The following COL28A1 variants were observed in gnomAD, a reference collection of about 807,000 sequenced individuals.
The protein encoded by COL28A1 is collagen alpha-1(XXVIII) chain.
COL28A1 carries 161 observed loss-of-function variants against 150.2 expected under a neutral mutation model. That is an observed-to-expected ratio of 1.07 (90% CI 0.94 to 1.22). COL28A1 has a LOEUF of 1.22. Ranked by LOEUF, COL28A1 falls within the 50% of genes most tolerant of loss-of-function variation. The pLI is 0.00. For synonymous variants in COL28A1, 552 were observed against 469.7 expected, an observed-to-expected ratio of 1.18 and a Z score of -2.26; for missense variants, 1,617 against 1,388.3, an observed-to-expected ratio of 1.16 and a Z score of -2.62.
At chr7:7,435,108 A>G (rs1256905279) in intron 23 of COL28A1, among the ~76,000 whole-genome samples, 1 of 152,212 alleles carries the variant, frequency 6.6e-6, no homozygotes, top group African/African-American at 2.4e-5. Flanking sequence ...AAATATCTTT[A>G]AATACCATCA....
At chr7:7,482,297 G>A (rs1156882991) in intron 13 of COL28A1, among the ~76,000 whole-genome samples, 1 of 152,068 alleles carries the variant, frequency 6.6e-6, no homozygotes, top group Non-Finnish European at 1.5e-5. Context: ...CGCTGAGGTG[G>A]GCGGATTACC....
intron 21 of COL28A1, among the ~76,000 whole-genome samples, chr7:7,440,448 G>A (rs560340036): frequency 1.9e-4 from 29 of 152,266 alleles, no homozygotes; most frequent in Non-Finnish European, 2.2e-4. Flanking sequence ...TCACTCTCAG[G>A]CTTTTGGGTT....
intron 28 of COL28A1, among the ~76,000 whole-genome samples, chr7:7,381,237 A>G (rs899614824): frequency 6.6e-6 from 1 of 152,216 alleles, no homozygotes; most frequent in East Asian, 1.9e-4. Context: ...TTATCTTCTG[A>G]GAATAAAGAA....
intron 32 of COL28A1, among the ~76,000 whole-genome samples, chr7:7,371,872 G>A (rs774476770): frequency 2.4e-4 from 37 of 151,684 alleles, no homozygotes; most frequent in Non-Finnish European, 4.3e-4. Context: ...TCGCTCTGTC[G>A]CCCAGGCTGG....
chr7:7,531,748 G>A lies in COL28A1; in HGVS notation c.281C>T (p.Ala94Val), dbSNP rs762121823. 1.2e-6 allele frequency: 2 copies of A among 1,608,496 alleles called. No homozygotes were observed. Among genetic ancestry groups the A allele is most frequent in the Non-Finnish European group, 1.7e-6 (2 of 1,174,854 alleles). The change falls in exon 3 of 35, where the codon GCA becomes GTA. Residue 94 changes from alanine (A) to valine (V), a missense_variant. Coordinates refer to ENST00000399429, the MANE Select transcript of COL28A1 (RefSeq NM_001037763.3). Reference protein sequence around the residue: ...GRSLEYDIKLAALQFSSSVQI... With the variant: ...GRSLEYDIKLVALQFSSSVQI... ...GACAGAGCTGCTAAACTGAAGGGCT[G>A]CCAGTTTGATGTCATATTCCAAGGA...
At chr7:7,383,315 G>A (rs978166015) in intron 27 of COL28A1, among the ~76,000 whole-genome samples, 21 of 146,896 alleles carry the variant, frequency 1.4e-4, no homozygotes, top group South Asian at 4.4e-4. Context: ...GTCTCACTCT[G>A]TCAACCAGGT....
chr7:7,415,486 A>G (rs35462098), intron 27 of COL28A1, among the ~76,000 whole-genome samples: 30,439 of 152,146 alleles, frequency 0.2, 4,031 homozygotes, highest in African/African-American at 0.38. Flanking sequence ...CTGCCCTGCT[A>G]CCAACTGGAT....
chr7:7,356,945 G>A (rs1038770495), downstream of COL28A1: 1 of 152,068 alleles, frequency 6.6e-6, no homozygotes, highest in African/African-American at 2.4e-5. Flanking sequence ...CATTATTTCT[G>A]CCAAGATGGC....
At chr7:7,381,863 A>G (rs544762951) in intron 27 of COL28A1, among the ~76,000 whole-genome samples, 3 of 152,286 alleles carry the variant, frequency 2.0e-5, no homozygotes, top group South Asian at 2.1e-4. Flanking sequence ...CCATTTGCCT[A>G]TTTCTGTGGT....
At chr7:7,448,032 C>T (rs1786401200) in intron 18 of COL28A1, among the ~76,000 whole-genome samples, 2 of 152,162 alleles carry the variant, frequency 1.3e-5, no homozygotes, top group Admixed American at 6.5e-5. Context: ...TGCCACTGCA[C>T]TTCAGCCTTG....
intron 25 of COL28A1, among the ~76,000 whole-genome samples, chr7:7,426,443 T>C (rs1024822690): frequency 6.6e-6 from 1 of 152,212 alleles, no homozygotes; most frequent in African/African-American, 2.4e-5. Context: ...TATATGCACA[T>C]ATTGGCAATG....
At chr7:7,491,009 AAAGTC>A (rs1257569076) in intron 11 of COL28A1, among the ~76,000 whole-genome samples, 1 of 152,194 alleles carries the variant, frequency 6.6e-6, no homozygotes, top group Admixed American at 6.5e-5. Flanking sequence ...AGGGGCCCAC[AAAGTC>A]AAGTGTTTTC....
chr7:7,487,028 G>C (rs1779661391), intron 13 of COL28A1, among the ~76,000 whole-genome samples: 1 of 152,010 alleles, frequency 6.6e-6, no homozygotes, highest in African/African-American at 2.4e-5. Flanking sequence ...TATCCATAAT[G>C]TTTTATGTTT....
At chr7:7,514,876 C>T (rs1781336016) in intron 8 of COL28A1, among the ~76,000 whole-genome samples, 2 of 152,232 alleles carry the variant, frequency 1.3e-5, no homozygotes, top group African/African-American at 4.8e-5. Flanking sequence ...TACCATTCGG[C>T]TCCCCCTCCA....
At chr7:7,527,070 A>G (rs1441933364) in intron 3 of COL28A1, among the ~76,000 whole-genome samples, 1 of 152,224 alleles carries the variant, frequency 6.6e-6, no homozygotes, top group Non-Finnish European at 1.5e-5. Context: ...CTTTAGAAAT[A>G]TGTGGCATAA....
rs376728036 is a variant in COL28A1, at chr7:7,365,997, TG to T, written c.3066+4727del. Among the ~76,000 whole-genome samples the T allele has an allele frequency of 4.7e-3, 718 of 152,314 alleles. 6 individuals are homozygous for T. The highest frequency in any genetic ancestry group is 0.017 in the African/African-American group (686 of 41,556). ...GGGCTGCACCTCTCTGGATTCACTGTGGCTTTCAAAAAGGGTGTAATGCAGG... is the reference window on the plus strand; with the variant it reads ...GGGCTGCACCTCTCTGGATTCACTGTGCTTTCAAAAAGGGTGTAATGCAGG... On this transcript the variant is annotated intron_variant, in intron 33 of 34. Coordinates refer to ENST00000399429, the MANE Select transcript of COL28A1 (RefSeq NM_001037763.3).
rs568837391 is a variant in COL28A1, at chr7:7,500,933, T to C, written c.1026+5081A>G. On this transcript the variant is annotated intron_variant, in intron 11 of 34. Transcript: ENST00000399429. ...ATATCATGTACTACCCTCATCGCCC[T>C]CACTGCAACGAACTCCTCTTCAAAC... Among the ~76,000 whole-genome samples the C allele has an allele frequency of 3.9e-5, 6 of 152,320 alleles. 2 individuals are homozygous for C. Among genetic ancestry groups the C allele is most frequent in the African/African-American group, 1.4e-4 (6 of 41,578 alleles).
At chr7:7,340,550 C>A in the COL28A1 span, among the ~76,000 whole-genome samples, 1 of 152,088 alleles carries the variant, frequency 6.6e-6, no homozygotes, top group Non-Finnish European at 1.5e-5. Context: ...GGGAATGATG[C>A]GGCCGTAGGC....
At chr7:7,526,115 T>C (rs1782010703) in intron 3 of COL28A1, among the ~76,000 whole-genome samples, 1 of 152,266 alleles carries the variant, frequency 6.6e-6, no homozygotes, top group Non-Finnish European at 1.5e-5. Context: ...CATTTGGTTA[T>C]GCCTACAAGG....
Sources: allele counts gnomAD v4.1 joint callset (sites outside exome capture counted in the v4.1 genomes callset), GRCh38; gene constraint gnomAD v4.1.1; transcripts MANE v1.5; gene names NCBI Gene and HGNC (gene_info 2026-07-23, HGNC 2026-07-21).